Variants in MSH3 observed in about 807,000 individuals in gnomAD.
The protein encoded by MSH3 is mutS homolog 3, also known as DNA mismatch repair protein Msh3.
In MSH3, 106 loss-of-function variants were observed where a neutral mutation model predicts 123.3. The observed-to-expected ratio is 0.86, with a 90% confidence interval of 0.73 to 1.01. The LOEUF is 1.01. MSH3 is among the 50% of genes least tolerant of loss of function. The pLI is 0.00. For synonymous variants in MSH3, 515 were observed against 481.4 expected (o/e 1.07, Z -0.91); for missense variants, 1,459 against 1,347.6 (o/e 1.08, Z -1.29).
At chr5:80,841,089 T>G (rs1254029843) in intron 20 of MSH3, among the ~76,000 whole-genome samples, 1 of 151,774 alleles carries the variant, frequency 6.6e-6, no homozygotes, top group East Asian at 1.9e-4. Context: ...CGGTGTGTGA[T>G]GTTCCCCTTC....
intron 2 of MSH3, among the ~76,000 whole-genome samples, chr5:80,658,035 C>CCCTTTTT (rs369384745): frequency 1.1e-5 from 1 of 87,218 alleles, no homozygotes; most frequent in Non-Finnish European, 2.2e-5. Flanking sequence ...GCTTTTTGCC[C>CCCTTTTT]TCTTTTTTTT....
chr5:80,786,898 C>A (rs374734794), intron 17 of MSH3, among the ~76,000 whole-genome samples: 2 of 151,636 alleles, frequency 1.3e-5, no homozygotes, highest in South Asian at 4.2e-4. Flanking sequence ...TTTAAGTAGC[C>A]AGAGACTTGA....
At chr5:80,840,069 G>A (rs779833517) in intron 20 of MSH3, among the ~76,000 whole-genome samples, 6 of 152,096 alleles carry the variant, frequency 3.9e-5, no homozygotes, top group African/African-American at 7.2e-5. Flanking sequence ...AGCTTGAGCC[G>A]TTCTTCTTCT....
At chr5:80,806,770 G>A (rs1744898773) in intron 19 of MSH3, among the ~76,000 whole-genome samples, 1 of 152,156 alleles carries the variant, frequency 6.6e-6, no homozygotes, top group South Asian at 2.1e-4. Flanking sequence ...ATTGAGATTT[G>A]TATTGGAATT....
At chr5:80,867,559 C>T (rs1333015555) in intron 22 of MSH3, among the ~76,000 whole-genome samples, 1 of 152,056 alleles carries the variant, frequency 6.6e-6, no homozygotes, top group African/African-American at 2.4e-5. Flanking sequence ...GACCCAGTCC[C>T]CTGAGTTAAA....
At chr5:80,720,798 A>G (rs1486715999) in intron 8 of MSH3, among the ~76,000 whole-genome samples, 1 of 151,952 alleles carries the variant, frequency 6.6e-6, no homozygotes, top group Non-Finnish European at 1.5e-5. Context: ...TCATTTTCCC[A>G]AACTTTTAGA....
chr5:80,710,549 A>C (rs1393161149), intron 8 of MSH3, among the ~76,000 whole-genome samples: 3 of 152,216 alleles, frequency 2.0e-5, no homozygotes, highest in African/African-American at 7.2e-5. Context: ...GTATTTCTTT[A>C]CAAACCACAG....
At position 80,822,542 on chromosome 5, in the gene MSH3, C is replaced by G. The variant is rs186637705; in HGVS notation, c.2813+8801C>G. On this transcript the variant is annotated intron_variant, in intron 20 of 23. Coordinates refer to ENST00000265081, the MANE Select transcript of MSH3 (RefSeq NM_002439.5). ...TCTAAACTTAGCATCGGTTTTTGCA[C>G]CTATAAAACAAAAAGTTCGATAATA... Among the ~76,000 whole-genome samples the G allele has an allele frequency of 3.7e-4, 56 of 152,144 alleles. No individual in the cohort carries two copies. The East Asian group carries it at 5.6e-3, about 15-fold the overall frequency.
chr5:80,857,844 TATTG>T (rs1745944733), intron 21 of MSH3, among the ~76,000 whole-genome samples: 1 of 152,170 alleles, frequency 6.6e-6, no homozygotes, highest in African/African-American at 2.4e-5. Context: ...CTTTTGGTTC[TATTG>T]ATTATTTTCC....
chr5:80,667,612 G>T (rs1246950174), intron 3 of MSH3, among the ~76,000 whole-genome samples: 1 of 152,212 alleles, frequency 6.6e-6, no homozygotes, highest in Non-Finnish European at 1.5e-5. Context: ...TGACCATGGG[G>T]TCTGGCCCCT....
intron 20 of MSH3, among the ~76,000 whole-genome samples, chr5:80,829,882 G>A (rs933495838): frequency 6.6e-6 from 1 of 152,090 alleles, no homozygotes. Flanking sequence ...ATTTTAGAAG[G>A]TTAATACTTA....
chr5:80,846,692 A>G (rs1050888917), intron 20 of MSH3, among the ~76,000 whole-genome samples: 1 of 152,230 alleles, frequency 6.6e-6, no homozygotes, highest in African/African-American at 2.4e-5. Context: ...GCAGTGAGCA[A>G]GGCTCCGTGG....
At chr5:80,808,643 A>G (rs373781687) in intron 19 of MSH3, among the ~76,000 whole-genome samples, 10 of 152,038 alleles carry the variant, frequency 6.6e-5, no homozygotes, top group East Asian at 1.9e-4. Flanking sequence ...TTGTATATCA[A>G]TTACCTCTGA....
Position 80,700,299 on chromosome 5 carries a change from C to T in MSH3, c.1340+21206C>T, listed in dbSNP as rs192787164. Among the ~76,000 whole-genome samples, 266 of 152,206 alleles carry T rather than the reference C, an allele frequency of 1.7e-3. 2 individuals are homozygous for T. Among genetic ancestry groups the T allele is most frequent in the African/African-American group, 6.0e-3 (250 of 41,562 alleles). ...AGGAGGCTGAGGCAGGAGAATTGTT[C>T]GAACCTGGGAGGCAGAGGTTGCAGT... On this transcript the variant is annotated intron_variant, in intron 8 of 23. Coordinates refer to ENST00000265081, the MANE Select transcript of MSH3 (RefSeq NM_002439.5).
chr5:80,661,979 G>T (rs1424486621), intron 2 of MSH3, among the ~76,000 whole-genome samples: 1 of 152,114 alleles, frequency 6.6e-6, no homozygotes, highest in Admixed American at 6.5e-5. Flanking sequence ...CCATTATATC[G>T]TATTTCCACA....
At chr5:80,656,867 T>C (rs1749304300) in intron 2 of MSH3, among the ~76,000 whole-genome samples, 1 of 152,208 alleles carries the variant, frequency 6.6e-6, no homozygotes, top group Non-Finnish European at 1.5e-5. Context: ...ATAGACCCCA[T>C]AATCCCTCCC....
intron 10 of MSH3, among the ~76,000 whole-genome samples, chr5:80,738,371 A>T (rs1263646582): frequency 6.6e-6 from 1 of 152,182 alleles, no homozygotes; most frequent in Non-Finnish European, 1.5e-5. Flanking sequence ...TCTTTTTGGT[A>T]TTCCGACAGT....
intron 19 of MSH3, among the ~76,000 whole-genome samples, chr5:80,800,982 G>A (rs6151863): frequency 0.02 from 3,060 of 152,310 alleles, 55 homozygotes; most frequent in Non-Finnish European, 0.028. Context: ...TGATGTTTGA[G>A]TGTAGACCTG....
At chr5:80,875,175 G>A (rs1186509874) in intron 23 of MSH3, among the ~76,000 whole-genome samples, 2 of 152,078 alleles carry the variant, frequency 1.3e-5, no homozygotes, top group Non-Finnish European at 2.9e-5. Flanking sequence ...TTATCCTCAT[G>A]GTATAGTTGG....
Sources: gnomAD v4.1 joint callset for allele counts (sites outside exome capture counted in the v4.1 genomes callset) on GRCh38, gnomAD v4.1.1 for gene constraint, MANE v1.5 for transcripts, NCBI Gene and HGNC (gene_info 2026-07-23, HGNC 2026-07-21) for gene names.